Variants in CTDNEP1 observed in about 807,000 individuals in gnomAD.
CTDNEP1 encodes the protein C-terminal domain nuclear envelope phosphatase 1.
CTDNEP1 carries 3 observed loss-of-function variants against 30.1 expected under a neutral mutation model. The ratio of observed to expected loss-of-function variants is 0.10; its 90% CI spans 0.05 to 0.26. The LOEUF is 0.26. CTDNEP1 is among the 10% of genes least tolerant of loss of function. The pLI is 1.00. For missense variants in CTDNEP1, 158 were observed against 310.4 expected, an observed-to-expected ratio of 0.51 and a Z score of 3.69; for synonymous variants, 123 against 118.8, an observed-to-expected ratio of 1.04 and a Z score of -0.23.
At position 7,250,994 on chromosome 17, in the gene CTDNEP1, C is replaced by T. The variant is rs146649432; in HGVS notation, c.102+201G>A. Among the ~76,000 whole-genome samples the T allele has an allele frequency of 3.4e-3, 512 of 152,264 alleles. 3 individuals carry two copies. The highest frequency in any genetic ancestry group is 4.0e-3 in the Non-Finnish European group (273 of 68,016). ...TCCCATCTAGCCCCATCAAAACCCCCAAGGGCAAGGTTCTATTACAAGGGT... is the reference window on the plus strand; with the variant it reads ...TCCCATCTAGCCCCATCAAAACCCCTAAGGGCAAGGTTCTATTACAAGGGT... On this transcript the variant is annotated intron_variant, in intron 1 of 7. Transcript: ENST00000574322.
At position 7,251,268 on chromosome 17, in the gene CTDNEP1, A is replaced by G; in HGVS notation, c.29T>C (p.Leu10Pro). The G allele has an allele frequency of 6.3e-7, 1 of 1,596,096 alleles. No homozygotes were observed. The highest frequency in any genetic ancestry group is 8.5e-7 in the Non-Finnish European group (1 of 1,173,016). The change falls in exon 1 of 8, where the codon CTG becomes CCG. Residue 10 changes from leucine (L) to proline (P), a missense_variant. Transcript: ENST00000574322. MMRTQCLLG[L>P]RTFVAFAAKL... Reference sequence around the variant, plus strand: ...GGCGGCGAAGGCCACGAACGTGCGCAGCCCCAGCAGACACTGCGTCCGCAT... The same window carrying G: ...GGCGGCGAAGGCCACGAACGTGCGCGGCCCCAGCAGACACTGCGTCCGCAT...
rs536355168 is a variant in CTDNEP1, at chr17:7,249,067, AG to A, written c.103-1725del. 1.1e-4 allele frequency among the ~76,000 whole-genome samples: 17 copies of A among 152,284 alleles called. 1 individual carries two copies. In the South Asian group the frequency reaches 3.5e-3, roughly 32 times the overall value. ...ACTGGCAGGGTCTGGAGGAGGCCAG[AG>A]TGAAGTCAGGGCCGTTAAGTGAGAG... On this transcript the variant is annotated intron_variant, in intron 1 of 7. Coordinates refer to ENST00000574322, the MANE Select transcript of CTDNEP1 (RefSeq NM_001143775.2).
At chr17:7,244,373 A>G (rs572294643) in intron 7 of CTDNEP1, 128 bp from the exon 8 acceptor site, 1 of 1,229,148 alleles carries the variant, frequency 8.1e-7, no homozygotes, top group Admixed American at 2.0e-5. Flanking sequence ...GATAGGTTCA[A>G]TTTGCCCACA....
intron 1 of CTDNEP1, among the ~76,000 whole-genome samples, chr17:7,249,323 C>T (rs1389974586): frequency 6.6e-6 from 1 of 152,208 alleles, no homozygotes; most frequent in Non-Finnish European, 1.5e-5. Context: ...TAATCAAGAT[C>T]TGCCCTTCTT....
chr17:7,244,862 C>T (rs1365802957), intron 6 of CTDNEP1: 1 of 476,216 alleles, frequency 2.1e-6, no homozygotes, highest in East Asian at 4.0e-5. Context: ...TTGTGCCTCA[C>T]TTGAAACACA....
chr17:7,250,799 G>C (rs1267468961), intron 1 of CTDNEP1, among the ~76,000 whole-genome samples: 1 of 151,888 alleles, frequency 6.6e-6, no homozygotes, highest in Non-Finnish European at 1.5e-5. Context: ...CTTGTTATAG[G>C]ACCAAACACA....
intron 1 of CTDNEP1, among the ~76,000 whole-genome samples, chr17:7,247,625 C>T (rs1195840558): frequency 1.3e-5 from 2 of 151,894 alleles, no homozygotes; most frequent in African/African-American, 2.4e-5. Flanking sequence ...TGCACCACCA[C>T]GCTCGGCTCA....
rs757132347 is a variant in CTDNEP1, at chr17:7,244,536, G to A, written c.674+15C>T. 11 of 1,606,080 alleles carry A rather than the reference G, an allele frequency of 6.8e-6. No homozygotes were observed. The highest frequency in any genetic ancestry group is 2.7e-5 in the African/African-American group (2 of 74,728). On this transcript the variant is annotated intron_variant, in intron 7 of 7. Transcript: ENST00000574322. ...TTCTTGAGATATCCAAGTGTCCAGA[G>A]CCCACTTCCCTTACCTGAGGGCATC...
At chr17:7,251,136 ACAGATGTCCCCAACACCGC>A in intron 1 of CTDNEP1, 40 bp downstream of exon 1, 2 of 1,269,214 alleles carry the variant, frequency 1.6e-6, no homozygotes, top group Non-Finnish European at 2.2e-6. Context: ...AGCACCACGG[ACAGATGTCCCCAACACCGC>A]CAGACGTCCC....
intron 1 of CTDNEP1, among the ~76,000 whole-genome samples, chr17:7,248,143 C>T (rs1421580123): frequency 6.7e-6 from 1 of 150,324 alleles, no homozygotes; most frequent in Non-Finnish European, 1.5e-5. Context: ...TGCCCATAGC[C>T]CCAGCTACTC....
At chr17:7,249,266 C>A (rs1393531323) in intron 1 of CTDNEP1, among the ~76,000 whole-genome samples, 2 of 152,226 alleles carry the variant, frequency 1.3e-5, no homozygotes, top group Non-Finnish European at 2.9e-5. Flanking sequence ...CCCCAAGCCA[C>A]ACCAGAACCA....
At position 7,244,257 on chromosome 17, in the gene CTDNEP1, A is replaced by G; in HGVS notation, c.675-12T>C. ...CATCAGCGGTGAACCTGGGGTGACAATAACTTGCATTGGTAGAGTACCTTA... is the reference window on the plus strand; with the variant it reads ...CATCAGCGGTGAACCTGGGGTGACAGTAACTTGCATTGGTAGAGTACCTTA... On this transcript the variant is annotated splice_polypyrimidine_tract_variant and intron_variant, in intron 7 of 7. Coordinates refer to ENST00000574322, the MANE Select transcript of CTDNEP1 (RefSeq NM_001143775.2). 1 of 1,613,944 alleles carries G rather than the reference A, an allele frequency of 6.2e-7. No homozygotes were observed. The highest frequency in any genetic ancestry group is 8.5e-7 in the Non-Finnish European group (1 of 1,179,898).
chr17:7,246,718 A>G lies in CTDNEP1; in HGVS notation c.360+73T>C, dbSNP rs957457062. The G allele has an allele frequency of 7.3e-6, 10 of 1,361,426 alleles. No individual in the cohort carries two copies. In the African/African-American group the frequency reaches 1.3e-4, roughly 18 times the overall value. 84.3% of individuals were successfully genotyped at this position (1,361,426 alleles called of 1,614,324 possible). A position where few individuals can be genotyped will look rare whatever the true frequency, so the allele number is the denominator to read the frequency against. On this transcript the variant is annotated intron_variant, in intron 4 of 7. Transcript: ENST00000574322. The surrounding 1 kb of genome is among the most constrained non-coding windows in gnomAD (Gnocchi z 4.9). ...CCCGTTTCTCCTCACCCCTTCCTCC[A>G]AATCCTCCCAATTCCCAGAGCCCTA...
Position 7,247,270 on chromosome 17 carries a change from T to A in CTDNEP1, c.169+7A>T. The A allele has an allele frequency of 6.2e-7, 1 of 1,613,778 alleles. No individual in the cohort carries two copies. Among genetic ancestry groups the A allele is most frequent in the Non-Finnish European group, 8.5e-7 (1 of 1,179,870 alleles). On this transcript the variant is annotated splice_region_variant and intron_variant, in intron 2 of 7. Transcript: ENST00000574322. Reference sequence around the variant, plus strand: ...ACCCTAAAGGAGGCTTCCCACCACATACTTACCTAGCCGATTCCGGGACAC... The same window carrying A: ...ACCCTAAAGGAGGCTTCCCACCACAAACTTACCTAGCCGATTCCGGGACAC...
intron 1 of CTDNEP1, among the ~76,000 whole-genome samples, chr17:7,247,897 G>C (rs1201007512): frequency 6.6e-6 from 1 of 152,082 alleles, no homozygotes; most frequent in Non-Finnish European, 1.5e-5. Flanking sequence ...AACTCCATGA[G>C]AATATGATTT....
At chr17:7,249,415 G>T (rs2071884468) in intron 1 of CTDNEP1, among the ~76,000 whole-genome samples, 1 of 152,174 alleles carries the variant, frequency 6.6e-6, no homozygotes, top group South Asian at 2.1e-4. Context: ...GGGCATGTAG[G>T]GAATGCTCCA....
At chr17:7,245,528 T>C (rs1296596621) in intron 6 of CTDNEP1, among the ~76,000 whole-genome samples, 1 of 151,922 alleles carries the variant, frequency 6.6e-6, no homozygotes, top group Admixed American at 6.6e-5. Context: ...AGACGGCGTC[T>C]CGCTCTGTCA....
Position 7,247,288 on chromosome 17 carries a change from C to G in CTDNEP1, c.158G>C (p.Arg53Pro). Reference sequence around the variant, plus strand: ...CACCACATACTTACCTAGCCGATTCCGGGACACAGGAGATAAGGGGAGGAT... The same window carrying G: ...CACCACATACTTACCTAGCCGATTCGGGGACACAGGAGATAAGGGGAGGAT... ...YDILPLSPVS[R>P]NRLAQVKRKI... The change falls in exon 2 of 8, where the codon CGG becomes CCG. Residue 53 changes from arginine to proline, a missense_variant. Arg to Pro is a moderately radical substitution (Grantham distance 103). Around this residue, in one of 2 missense-constraint regions of CTDNEP1, gnomAD observed 62 missense variants for 81.4 expected, o/e 0.76. Transcript: ENST00000574322. 1.2e-6 allele frequency: 2 copies of G among 1,613,920 alleles called. No homozygotes were observed. Among genetic ancestry groups the G allele is most frequent in the Non-Finnish European group, 1.7e-6 (2 of 1,179,958 alleles).
chr17:7,244,457 G>GT (rs2071812828), intron 7 of CTDNEP1, 94 bp downstream of exon 7: 15 of 1,331,932 alleles, frequency 1.1e-5, no homozygotes, highest in Non-Finnish European at 1.6e-5. Flanking sequence ...AGGGAACAGA[G>GT]TTAAAACAGG....
Sources: allele counts gnomAD v4.1 joint callset (sites outside exome capture counted in the v4.1 genomes callset), GRCh38; gene constraint gnomAD v4.1.1; regional missense constraint gnomAD v4.1.1; non-coding constraint Gnocchi (gnomAD v3.1); transcripts MANE v1.5; gene names NCBI Gene and HGNC (gene_info 2026-07-23, HGNC 2026-07-21).